DOK7: variants seen among roughly 807,000 people sequenced by gnomAD.
The protein encoded by DOK7 is docking protein 7.
DOK7 carries 32 observed loss-of-function variants against 30.7 expected under a neutral mutation model. The ratio of observed to expected loss-of-function variants is 1.04; its 90% CI spans 0.79 to 1.40. The LOEUF is 1.40. DOK7 is among the 40% of genes most tolerant of loss of function. The probability of loss-of-function intolerance (pLI) is 0.00; values close to 1 mark genes in which losing one functional copy is unlikely to be tolerated. For missense variants in DOK7, 1,007 were observed against 699.2 expected (o/e 1.44, Z -4.97); for synonymous variants, 447 against 324.1 (o/e 1.38, Z -4.07).
At chr4:3,468,491 AGT>A (rs1361072032) in intron 2 of DOK7, among the ~76,000 whole-genome samples, 3 of 110,930 alleles carry the variant, frequency 2.7e-5, no homozygotes, top group African/African-American at 8.0e-5. Flanking sequence ...TACATGTATG[AGT>A]GTGCATGTGC....
In DOK7 at chr4:3,470,875, C is replaced by G. The variant is rs373794824; in HGVS notation, c.101-2531C>G. Among the ~76,000 whole-genome samples the G allele has an allele frequency of 1.7e-3, 256 of 152,320 alleles. 2 individuals are homozygous for G. The highest frequency in any genetic ancestry group is 5.8e-3 in the African/African-American group (240 of 41,576). On this transcript the variant is annotated intron_variant, in intron 2 of 6. Coordinates refer to ENST00000340083, the MANE Select transcript of DOK7 (RefSeq NM_173660.5). ...TGTAACTTGTTGAACAAAGGAGGTG[C>G]TGGTTGGGGGCAATGGAAGGAACTG...
chr4:3,493,203 AC>A lies in DOK7; in HGVS notation c.1218del (p.Asp406GlufsTer50), dbSNP rs765896144. On this transcript the variant is annotated frameshift_variant, in exon 7 of 7. Transcript: ENST00000340083. LOFTEE classifies it low-confidence loss of function (END_TRUNC). ...CCCACCTCCCTGCGGGCCCACTATG[AC>A]ACACCACGCAGCCTTTGCCTGGCTC... ...QVPTSLRAHY[D>X]TPRSLCLAPR... The A allele has an allele frequency of 1.2e-6, 2 of 1,611,614 alleles. No homozygotes were observed. Among genetic ancestry groups the A allele is most frequent in the Admixed American group, 3.3e-5 (2 of 59,942 alleles).
In DOK7 at chr4:3,490,110, CCA is replaced by C. The variant is rs1491204515; in HGVS notation, c.772+315_772+316del. Among the ~76,000 whole-genome samples, 492 of 52,746 alleles carry C rather than the reference CCA, an allele frequency of 9.3e-3. 17 individuals are homozygous for C. The highest frequency in any genetic ancestry group is 0.039 in the African/African-American group (437 of 11,142). The allele number at this position is 52,746 out of a possible 152,430, so 34.6% of individuals were successfully genotyped here. ...CCCTCATTCATTCCTTTCTTCACCC[CCA>C]TTCATTCCTTTTCTCCCTGCTCATT... On this transcript the variant is annotated intron_variant, in intron 6 of 6. Coordinates refer to ENST00000340083, the MANE Select transcript of DOK7 (RefSeq NM_173660.5).
At chr4:3,492,725 C>CCGTCCTGCCCAGACCCCTGTACT (rs750076866) in intron 6 of DOK7, 34 bp from the exon 7 acceptor site, 1 of 1,611,052 alleles carries the variant, frequency 6.2e-7, no homozygotes, top group African/African-American at 1.3e-5. Context: ...CCCCTGTACC[C>CCGTCCTGCCCAGACCCCTGTACT]CCACAACTGC....
chr4:3,494,265 T>C lies in DOK7; in HGVS notation c.*764T>C, dbSNP rs1268837479. The C allele has an allele frequency of 1.0e-6, 1 of 985,408 alleles. No individual in the cohort carries two copies. Among genetic ancestry groups the C allele is most frequent in the African/African-American group, 1.7e-5 (1 of 57,262 alleles). 61.0% of individuals were successfully genotyped at this position (985,408 alleles called of 1,614,324 possible). On this transcript the variant is annotated 3_prime_UTR_variant, in exon 7 of 7. Coordinates refer to ENST00000340083, the MANE Select transcript of DOK7 (RefSeq NM_173660.5). ...CAGGGCCAAAGGCTGGCTTGGCCTG[T>C]GTTTCCCCTGGCCCAGGCCTCAGCC...
At chr4:3,488,384 A>T (rs973927505) in intron 5 of DOK7, among the ~76,000 whole-genome samples, 5 of 152,224 alleles carry the variant, frequency 3.3e-5, no homozygotes, top group African/African-American at 4.8e-5. Flanking sequence ...TGTGGGCTGA[A>T]GGCATCAGCA....
At chr4:3,499,949 TG>T (rs1004008954) in intron 6 of DOK7, among the ~76,000 whole-genome samples, 4 of 136,218 alleles carry the variant, frequency 2.9e-5, no homozygotes, top group African/African-American at 1.1e-4. Context: ...GAGTGGGCCT[TG>T]GGGGGCCCAT....
intron 4 of DOK7, among the ~76,000 whole-genome samples, chr4:3,480,607 CA>C (rs927003903): frequency 6.6e-6 from 1 of 151,848 alleles, no homozygotes; most frequent in African/African-American, 2.4e-5. Flanking sequence ...GGCTCTGTCT[CA>C]AAAAAAGAAG....
At chr4:3,490,245 T>TC (rs1417308143) in intron 6 of DOK7, among the ~76,000 whole-genome samples, 325 of 113,528 alleles carry the variant, frequency 2.9e-3, no homozygotes, top group South Asian at 7.3e-3. Flanking sequence ...ATTCCTTCCT[T>TC]TTCTCCCTGC....
Position 3,493,249 on chromosome 4 carries a change from C to G in DOK7, c.1263C>G (p.Pro421=), listed in dbSNP as rs761693255. 5.6e-6 allele frequency: 9 copies of G among 1,611,874 alleles called. No individual in the cohort carries two copies. Among genetic ancestry groups the G allele is most frequent in the Admixed American group, 1.7e-5 (1 of 59,956 alleles). Residue 421 remains proline, a synonymous_variant, in exon 7 of 7, where the codon CCC becomes CCG. Coordinates refer to ENST00000340083, the MANE Select transcript of DOK7 (RefSeq NM_173660.5). ...TGGCTCCTAGAGACCACAGCCCCCC[C>G]TCACAGGGCAGCCCCGGCAACAGTG... The part of the protein sequence containing the change: ...LCLAPRDHSP[P]SQGSPGNSAA...
intron 5 of DOK7, among the ~76,000 whole-genome samples, chr4:3,487,395 G>A (rs1184262402): frequency 6.6e-6 from 1 of 152,224 alleles, no homozygotes; most frequent in East Asian, 1.9e-4. Flanking sequence ...AGAGCCCTGC[G>A]GGCGGCATCC....
downstream of DOK7, chr4:3,494,621 TTG>T (rs2109429444): frequency 1.3e-6 from 1 of 794,068 alleles, no homozygotes; most frequent in East Asian, 1.3e-4. Context: ...CTCATCTGTC[TTG>T]TGAGCCTTGG....
At chr4:3,476,178 ACCC>A (rs1727050199) in intron 3 of DOK7, among the ~76,000 whole-genome samples, 161 bp from the exon 4 acceptor site, 14 of 15,770 alleles carry the variant, frequency 8.9e-4, no homozygotes, top group Non-Finnish European at 1.2e-3. Context: ...CGCCCCGCCC[ACCC>A]TCGATGCCCT....
intron 2 of DOK7, among the ~76,000 whole-genome samples, chr4:3,468,361 C>T (rs56162531): frequency 0.13 from 19,500 of 150,752 alleles, 1,544 homozygotes; most frequent in South Asian, 0.32. Context: ...TGTCTGTGTG[C>T]GTGTGTCTGT....
At chr4:3,488,886 A>G (rs1340137405) in intron 5 of DOK7, among the ~76,000 whole-genome samples, 1 of 151,800 alleles carries the variant, frequency 6.6e-6, no homozygotes, top group African/African-American at 2.4e-5. Context: ...GTTTGGAGCA[A>G]GGTAGCCACT....
intron 2 of DOK7, among the ~76,000 whole-genome samples, chr4:3,468,537 T>C (rs914822241): frequency 2.0e-5 from 2 of 102,176 alleles, no homozygotes; most frequent in African/African-American, 5.1e-5. Context: ...TGACTGTGAG[T>C]GTATGTGTGT....
chr4:3,482,200 A>G (rs988378657), intron 4 of DOK7, among the ~76,000 whole-genome samples: 1 of 151,830 alleles, frequency 6.6e-6, no homozygotes, highest in African/African-American at 2.4e-5. Flanking sequence ...ACTCCTATTT[A>G]CCCTGCCACA....
chr4:3,463,456 G>GGC lies in DOK7; in HGVS notation c.54+28_54+29insCG, dbSNP rs1553844277. On this transcript the variant is annotated intron_variant, in intron 1 of 6. Transcript: ENST00000340083. Reference sequence around the variant, plus strand: ...TCGGGGCGCGTCGGGGGCGCGGGGGGGGGGGGCGCGGGCGCGGGCGGCGGC... The same window carrying GGC: ...TCGGGGCGCGTCGGGGGCGCGGGGGGGCGGGGGGCGCGGGCGCGGGCGGCGGC... 2.1e-6 allele frequency: 3 copies of GGC among 1,421,588 alleles called. No homozygotes were observed. Among genetic ancestry groups the GGC allele is most frequent in the East Asian group, 5.9e-5 (2 of 34,052 alleles). 88.1% of individuals were successfully genotyped at this position (1,421,588 alleles called of 1,614,324 possible). A position where few individuals can be genotyped will look rare whatever the true frequency, so the allele number is the denominator to read the frequency against.
intron 4 of DOK7, among the ~76,000 whole-genome samples, chr4:3,478,815 G>A (rs12642718): frequency 0.12 from 17,968 of 152,184 alleles, 1,392 homozygotes; most frequent in South Asian, 0.28. Flanking sequence ...GGAGACAGGC[G>A]TGGCCACCAC....
Sources: gnomAD v4.1 joint callset for allele counts (sites outside exome capture counted in the v4.1 genomes callset) on GRCh38, gnomAD v4.1.1 for gene constraint, MANE v1.5 for transcripts, NCBI Gene and HGNC (gene_info 2026-07-23, HGNC 2026-07-21) for gene names.